Variants in PCTP observed in about 807,000 individuals in gnomAD.
PCTP encodes the protein phosphatidylcholine transfer protein.
Under a neutral mutation model 31.0 loss-of-function variants are expected in PCTP, and 27 were observed. The ratio of observed to expected loss-of-function variants is 0.87; its 90% CI spans 0.64 to 1.20. The LOEUF (loss-of-function observed/expected upper bound fraction) is 1.20, where lower values mean the gene tolerates loss of function less well. Among genes scored for constraint, PCTP ranks in the 50% most tolerant of loss-of-function variants. The probability of loss-of-function intolerance (pLI) is 0.00; values close to 1 mark genes in which losing one functional copy is unlikely to be tolerated. For synonymous variants in PCTP, 108 were observed against 101.2 expected (o/e 1.07, Z -0.40); for missense variants, 287 against 268.2 (o/e 1.07, Z -0.49).
chr17:55,768,170 T>C (rs1910793206), intron 2 of PCTP, among the ~76,000 whole-genome samples: 1 of 152,140 alleles, frequency 6.6e-6, no homozygotes, highest in Non-Finnish European at 1.5e-5. Context: ...TAGTGCTTCC[T>C]ATTAAATTTT....
At chr17:55,798,322 T>C (rs1275551788) in intron 3 of PCTP, among the ~76,000 whole-genome samples, 1 of 151,990 alleles carries the variant, frequency 6.6e-6, no homozygotes. Flanking sequence ...CTGAACAGCT[T>C]ATACAATCGT....
chr17:55,850,918 C>G, the PCTP span, among the ~76,000 whole-genome samples: 3 of 152,170 alleles, frequency 2.0e-5, no homozygotes, highest in African/African-American at 7.2e-5. Context: ...CTAAAACCCA[C>G]CTACAGAAGC....
intron 3 of PCTP, among the ~76,000 whole-genome samples, chr17:55,812,577 A>G (rs527770166): frequency 6.6e-6 from 1 of 152,352 alleles, no homozygotes; most frequent in Admixed American, 6.5e-5. Context: ...TGAAAAAATT[A>G]ATCAGACTGT....
chr17:55,849,799 A>G, the PCTP span, among the ~76,000 whole-genome samples: 1 of 152,178 alleles, frequency 6.6e-6, no homozygotes, highest in Non-Finnish European at 1.5e-5. Context: ...ATTTCTCATT[A>G]TCCTAGATTC....
Position 55,770,967 on chromosome 17 carries a change from G to C in PCTP, c.260-139G>C, listed in dbSNP as rs927122796. The C allele has an allele frequency of 5.1e-5, 32 of 626,476 alleles. No homozygotes were observed. In the African/African-American group the frequency reaches 5.7e-4, roughly 11 times the overall value. The allele number at this position is 626,476 out of a possible 1,614,324, so 38.8% of individuals were successfully genotyped here. A position where few individuals can be genotyped will look rare whatever the true frequency, so the allele number is the denominator to read the frequency against. ...AGGCTGGTCTTGAACTCCTGGACTT[G>C]AGCAATTGACTCACCTTGGCCTCAA... On this transcript the variant is annotated intron_variant, in intron 2 of 5. Coordinates refer to ENST00000268896, the MANE Select transcript of PCTP (RefSeq NM_021213.4).
At chr17:55,779,154 T>C (rs756887844), downstream of PCTP, among the ~76,000 whole-genome samples, 7 of 152,228 alleles carry the variant, frequency 4.6e-5, no homozygotes, top group Non-Finnish European at 7.3e-5. Flanking sequence ...TTAACAGATA[T>C]TTCTCAAGAG....
At position 55,773,736 on chromosome 17, in the gene PCTP, C is replaced by A; in HGVS notation, c.352C>A (p.Arg118=). 6.2e-7 allele frequency: 1 copy of A among 1,612,818 alleles called. No individual in the cohort carries two copies. Among genetic ancestry groups the A allele is most frequent in the South Asian group, 1.1e-5 (1 of 90,918 alleles). The change falls in exon 4 of 6, where the codon CGG becomes AGG. Residue 118 remains arginine (R), a synonymous_variant. Coordinates refer to ENST00000268896, the MANE Select transcript of PCTP (RefSeq NM_021213.4). ...ACTGGCTATGCAGTATGTCTACCTT[C>A]GGCAGCGGCGAGACCTGGACATGGA... ...PMSNRDYVYL[R]QRRDLDMEGR...
At chr17:55,822,331 G>A (rs1388539382) in intron 3 of PCTP, among the ~76,000 whole-genome samples, 1 of 152,182 alleles carries the variant, frequency 6.6e-6, no homozygotes, top group Non-Finnish European at 1.5e-5. Context: ...CCAAATGTTG[G>A]AACACATTTC....
intron 1 of PCTP, among the ~76,000 whole-genome samples, chr17:55,756,692 A>G (rs1187540325): frequency 6.7e-6 from 1 of 148,446 alleles, no homozygotes; most frequent in Non-Finnish European, 1.5e-5. Flanking sequence ...CGTTTTATAC[A>G]CGTGTGTGTG....
At chr17:55,779,565 G>A (rs1911485057), downstream of PCTP, among the ~76,000 whole-genome samples, 1 of 152,186 alleles carries the variant, frequency 6.6e-6, no homozygotes, top group African/African-American at 2.4e-5. Context: ...AAGCCATGTA[G>A]GGTCCTGAGA....
intron 5 of PCTP, among the ~76,000 whole-genome samples, chr17:55,841,683 G>A (rs1413738165): frequency 6.6e-6 from 1 of 152,164 alleles, no homozygotes; most frequent in African/African-American, 2.4e-5. Context: ...AAAATAATGA[G>A]CACAGAGACT....
chr17:55,794,655 C>T (rs1035931687), intron 3 of PCTP, among the ~76,000 whole-genome samples: 1 of 151,998 alleles, frequency 6.6e-6, no homozygotes, highest in Non-Finnish European at 1.5e-5. Flanking sequence ...AGGGCAAAAA[C>T]ATTCAAGGTG....
rs751001129 is a variant in PCTP, at chr17:55,751,087, G to C, written c.-17G>C. On this transcript the variant is annotated 5_prime_UTR_variant, in exon 1 of 6. Transcript: ENST00000268896. ...CGCGGCCTGCCCTCCAGGCGGAGGA[G>C]CCCGGACTGCGGAAGGATGGAGCTG... 7.2e-6 allele frequency: 11 copies of C among 1,524,784 alleles called. No individual in the cohort carries two copies. The highest frequency in any genetic ancestry group is 8.8e-6 in the Non-Finnish European group (10 of 1,136,788). The allele number at this position is 1,524,784 out of a possible 1,614,324, so 94.5% of individuals were successfully genotyped here.
chr17:55,847,116 C>A (rs1338908131), downstream of PCTP, among the ~76,000 whole-genome samples: 4 of 152,154 alleles, frequency 2.6e-5, no homozygotes, highest in African/African-American at 9.7e-5. Flanking sequence ...TGCTCACTGG[C>A]CTTAGTTCTG....
chr17:55,830,424 T>A (rs983371884), intron 5 of PCTP, among the ~76,000 whole-genome samples: 3 of 152,224 alleles, frequency 2.0e-5, no homozygotes, highest in Non-Finnish European at 4.4e-5. Flanking sequence ...GTCAGCGATT[T>A]TTTTTTCTTT....
chr17:55,831,015 C>T (rs1428658520), intron 5 of PCTP, among the ~76,000 whole-genome samples: 1 of 152,218 alleles, frequency 6.6e-6, no homozygotes, highest in Non-Finnish European at 1.5e-5. Flanking sequence ...TCTCTTCCTG[C>T]CAGGTTTGCA....
intron 3 of PCTP, among the ~76,000 whole-genome samples, chr17:55,802,848 T>A (rs1912433978): frequency 6.6e-6 from 1 of 152,158 alleles, no homozygotes; most frequent in African/African-American, 2.4e-5. Flanking sequence ...TTCAACATAG[T>A]ATTGGAAGTT....
In PCTP at chr17:55,833,040, CCACTCTGTCCTT is replaced by C. The variant is rs1050244105; in HGVS notation, n.506-9684_506-9673del. On this transcript the variant is annotated intron_variant and non_coding_transcript_variant, in intron 5 of 5. Transcript: ENST00000576221. ...AGTACTGAATGCTTCACACTCACCG[CCACTCTGTCCTT>C]CAGAGGGGTGTGGACTGAGGTGGTT... Among the ~76,000 whole-genome samples the C allele has an allele frequency of 1.4e-4, 22 of 152,296 alleles. 2 individuals carry two copies. The highest frequency in any genetic ancestry group is 9.2e-4 in the Admixed American group (14 of 15,298).
chr17:55,813,953 G>A (rs1030966192), intron 3 of PCTP, among the ~76,000 whole-genome samples: 2 of 151,776 alleles, frequency 1.3e-5, no homozygotes, highest in African/African-American at 4.8e-5. Context: ...GAGGTGGGAG[G>A]ATCACTTGAG....
Sources: gnomAD v4.1 joint callset for allele counts (sites outside exome capture counted in the v4.1 genomes callset) on GRCh38, gnomAD v4.1.1 for gene constraint, MANE v1.5 for transcripts, NCBI Gene and HGNC (gene_info 2026-07-23, HGNC 2026-07-21) for gene names.